The following DNAAF5 variants were observed in gnomAD, a reference collection of about 807,000 sequenced individuals.
DNAAF5 encodes the protein HEAT repeat containing 2.
DNAAF5 carries 64 observed loss-of-function variants against 75.8 expected under a neutral mutation model. That is an observed-to-expected ratio of 0.84 (90% confidence interval 0.69 to 1.04). DNAAF5 has a LOEUF of 1.04. Ranked by LOEUF, DNAAF5 falls within the 50% of genes least tolerant of loss-of-function variation. The pLI is 0.00. For missense variants in DNAAF5, 1,269 were observed against 1,178.5 expected (o/e 1.08, Z -1.12); for synonymous variants, 657 against 557.2 (o/e 1.18, Z -2.52).
At chr7:775,186 G>A (rs756551115) in intron 11 of DNAAF5, 24 bp downstream of exon 11, 11 of 1,611,844 alleles carry the variant, frequency 6.8e-6, no homozygotes, top group Middle Eastern at 1.7e-4. Flanking sequence ...GTTGTTCACA[G>A]CCTGTGTATA....
Position 740,803 on chromosome 7 carries a change from T to C in DNAAF5, c.781-16T>C. On this transcript the variant is annotated splice_polypyrimidine_tract_variant and intron_variant, in intron 2 of 12. Transcript: ENST00000297440. ...CTTTGCCTACACGAATCCTTATCCCTTCCTCTCATGCGCAGGTCCGGCGGG... is the reference window on the plus strand; with the variant it reads ...CTTTGCCTACACGAATCCTTATCCCCTCCTCTCATGCGCAGGTCCGGCGGG... The C allele has an allele frequency of 1.2e-6, 2 of 1,613,076 alleles. No individual in the cohort carries two copies. The highest frequency in any genetic ancestry group is 1.7e-6 in the Non-Finnish European group (2 of 1,179,988).
chr7:737,082 A>T (rs1176123035), intron 2 of DNAAF5, among the ~76,000 whole-genome samples: 1 of 151,358 alleles, frequency 6.6e-6, no homozygotes, highest in Non-Finnish European at 1.5e-5. Flanking sequence ...TTTTATTTTT[A>T]TTTATTTATT....
chr7:768,520 A>G (rs1226003313), intron 8 of DNAAF5: 1 of 148,014 alleles, frequency 6.8e-6, no homozygotes, highest in East Asian at 2.1e-4. Flanking sequence ...GAGGGCAGAC[A>G]AGTGGTCCAG....
intron 8 of DNAAF5, among the ~76,000 whole-genome samples, chr7:765,511 T>C (rs1360452813): frequency 1.3e-5 from 2 of 152,220 alleles, no homozygotes; most frequent in East Asian, 3.8e-4. Context: ...TTGCATTTAC[T>C]GCAGCTCTGG....
chr7:737,107 T>C (rs1281278742), intron 2 of DNAAF5, among the ~76,000 whole-genome samples: 1 of 152,136 alleles, frequency 6.6e-6, no homozygotes, highest in African/African-American at 2.4e-5. Flanking sequence ...TTTATTGTTT[T>C]ATTTTTGAGA....
chr7:736,587 G>A (rs187674239), intron 2 of DNAAF5, among the ~76,000 whole-genome samples: 260 of 152,122 alleles, frequency 1.7e-3, no homozygotes, highest in Middle Eastern at 6.8e-3. Flanking sequence ...TTCAGCCTAC[G>A]TGTGCCTTTT....
chr7:764,527 C>T (rs528967972), intron 8 of DNAAF5, among the ~76,000 whole-genome samples: 41 of 152,304 alleles, frequency 2.7e-4, no homozygotes, highest in East Asian at 7.7e-4. Context: ...CTCCACGGGC[C>T]GTGAACTCGC....
Position 761,845 on chromosome 7 carries a change from C to A in DNAAF5, c.1563C>A (p.Asp521Glu). The part of the protein sequence containing the change: ...DCGVASLQLL[D>E]VLLTIVALAG... ...GCGTGGCCAGCCTGCAGCTCTTGGA[C>A]GTGCTGCTGACAATAGTGGCCCTCG... Residue 521 changes from aspartate (D) to glutamate (E), a missense_variant, in exon 7 of 13, where the codon GAC becomes GAA. By Grantham distance (45) the Asp-to-Glu change is conservative (BLOSUM62 2). Coordinates refer to ENST00000297440, the MANE Select transcript of DNAAF5 (RefSeq NM_017802.4). 6.3e-7 allele frequency: 1 copy of A among 1,598,554 alleles called. No individual in the cohort carries two copies. The highest frequency in any genetic ancestry group is 8.5e-7 in the Non-Finnish European group (1 of 1,172,872).
chr7:754,165 T>G lies in DNAAF5; in HGVS notation c.1025-424T>G, dbSNP rs1475761198. Among the ~76,000 whole-genome samples the G allele has an allele frequency of 3.3e-5, 5 of 152,220 alleles. No homozygotes were observed. The highest frequency in any genetic ancestry group is 1.2e-4 in the African/African-American group (5 of 41,448). On this transcript the variant is annotated intron_variant, in intron 4 of 12. Transcript: ENST00000297440. This position sits in a 1 kb window ranked among gnomAD's most constrained non-coding sequence, Gnocchi z 4.8. Reference sequence around the variant, plus strand: ...TGTGTTGTTTGCATCTCTGTGTGGCTCTAAATGTTTGTTTTTTGAGACAGG... The same window carrying G: ...TGTGTTGTTTGCATCTCTGTGTGGCGCTAAATGTTTGTTTTTTGAGACAGG...
At chr7:764,087 A>T (rs1190637930) in intron 8 of DNAAF5, 113 bp downstream of exon 8, 1 of 1,186,346 alleles carries the variant, frequency 8.4e-7, no homozygotes, top group Non-Finnish European at 1.2e-6. Context: ...TGGTTCACTG[A>T]AGCGTGTTGT....
At chr7:739,629 G>A (rs1055124466) in intron 2 of DNAAF5, among the ~76,000 whole-genome samples, 1 of 152,186 alleles carries the variant, frequency 6.6e-6, no homozygotes, top group Non-Finnish European at 1.5e-5. Flanking sequence ...CACGGGCAGC[G>A]GGAGTCAGGC....
chr7:743,294 G>T (rs1203476331), intron 4 of DNAAF5, among the ~76,000 whole-genome samples: 2 of 152,142 alleles, frequency 1.3e-5, no homozygotes, highest in East Asian at 3.8e-4. Flanking sequence ...AGGATCGCTT[G>T]GGTCCAGGAA....
At position 780,883 on chromosome 7, in the gene DNAAF5, TTTTAATAAAA is replaced by T. The variant is rs1778918621; in HGVS notation, c.2431+743_2431+752del. On this transcript the variant is annotated intron_variant, in intron 12 of 12. Transcript: ENST00000297440. ...GTGAATATAATGACGTTGTTCTTTTTTTTAATAAAATTTGTATTTTTAATTTTTGTGGGTA... is the reference window on the plus strand; with the variant it reads ...GTGAATATAATGACGTTGTTCTTTTTTTTGTATTTTTAATTTTTGTGGGTA... 2.0e-5 allele frequency among the ~76,000 whole-genome samples: 3 copies of T among 149,858 alleles called. 1 individual carries two copies. In the South Asian group the frequency reaches 6.5e-4, roughly 32 times the overall value.
chr7:782,603 T>C (rs112020188), intron 12 of DNAAF5, among the ~76,000 whole-genome samples: 71 of 120,874 alleles, frequency 5.9e-4, no homozygotes, highest in East Asian at 1.7e-3. Flanking sequence ...CGCGTCCCGT[T>C]ACGCAGCGTC....
At chr7:752,962 T>C (rs182440864) in intron 4 of DNAAF5, among the ~76,000 whole-genome samples, 1 of 152,346 alleles carries the variant, frequency 6.6e-6, no homozygotes, top group African/African-American at 2.4e-5. Flanking sequence ...AAGAAGACGC[T>C]CGGCGTCGTT....
In DNAAF5 at chr7:774,102, G is replaced by T. The variant is rs1778671033; in HGVS notation, c.1986G>T (p.Leu662=). ...TVTKDILAPN[L]QWHAGRTAAA... ...CAAAGGACATCCTGGCCCCCAATCTGCAGTGGCATGCGGGGAGGACAGCCG... is the reference window on the plus strand; with the variant it reads ...CAAAGGACATCCTGGCCCCCAATCTTCAGTGGCATGCGGGGAGGACAGCCG... Residue 662 remains leucine, a synonymous_variant, in exon 10 of 13, where the codon CTG becomes CTT. Coordinates refer to ENST00000297440, the MANE Select transcript of DNAAF5 (RefSeq NM_017802.4). The T allele has an allele frequency of 6.2e-7, 1 of 1,613,622 alleles. No individual in the cohort carries two copies. Among genetic ancestry groups the T allele is most frequent in the South Asian group, 1.1e-5 (1 of 91,088 alleles).
chr7:783,167 C>T (rs928108597), intron 12 of DNAAF5, among the ~76,000 whole-genome samples: 1 of 152,200 alleles, frequency 6.6e-6, no homozygotes, highest in Non-Finnish European at 1.5e-5. Context: ...TGCCAGATCC[C>T]GCGTCCGCAC....
chr7:779,215 G>A (rs577675768), intron 11 of DNAAF5, among the ~76,000 whole-genome samples: 3 of 152,324 alleles, frequency 2.0e-5, no homozygotes, highest in East Asian at 3.9e-4. Flanking sequence ...CGTCTGCAGC[G>A]GGAAGATGGG....
chr7:766,636 G>C (rs1782829209), intron 8 of DNAAF5, among the ~76,000 whole-genome samples: 1 of 152,176 alleles, frequency 6.6e-6, no homozygotes, highest in African/African-American at 2.4e-5. Context: ...ATTAAGAGTT[G>C]GGCACGGTGG....
Sources: gnomAD v4.1 joint callset for allele counts (sites outside exome capture counted in the v4.1 genomes callset) on GRCh38, gnomAD v4.1.1 for gene constraint, Gnocchi (gnomAD v3.1) non-coding constraint, MANE v1.5 for transcripts, NCBI Gene and HGNC (gene_info 2026-07-23, HGNC 2026-07-21) for gene names.